Variants in NALCN observed in about 807,000 individuals in gnomAD.
NALCN encodes sodium leak channel NALCN.
Under a neutral mutation model 225.3 loss-of-function variants are expected in NALCN, and 111 were observed. That is an observed-to-expected ratio of 0.49 (90% CI 0.42 to 0.58). The LOEUF (loss-of-function observed/expected upper bound fraction) is 0.58, where lower values mean the gene tolerates loss of function less well. Ranked by LOEUF, NALCN falls within the 20% of genes least tolerant of loss-of-function variation. NALCN has a pLI of 0.00. For synonymous variants in NALCN, 764 were observed against 769.0 expected, an observed-to-expected ratio of 0.99 and a Z score of 0.11; for missense variants, 1,378 against 2,202.4, an observed-to-expected ratio of 0.63 and a Z score of 7.49.
At chr13:101,313,070 A>G (rs1189352532) in intron 7 of NALCN, among the ~76,000 whole-genome samples, 1 of 152,232 alleles carries the variant, frequency 6.6e-6, no homozygotes, top group Non-Finnish European at 1.5e-5. Context: ...TGACAAAAAC[A>G]AGAAATGGGG....
intron 19 of NALCN, among the ~76,000 whole-genome samples, chr13:101,110,910 A>T (rs1443992015): frequency 6.6e-6 from 1 of 152,222 alleles, no homozygotes; most frequent in Non-Finnish European, 1.5e-5. Flanking sequence ...GAATTTGGCC[A>T]TCTCTAAGGA....
At chr13:101,228,261 A>G (rs1239283676) in intron 13 of NALCN, among the ~76,000 whole-genome samples, 1 of 152,214 alleles carries the variant, frequency 6.6e-6, no homozygotes. Flanking sequence ...AAAAATCCCT[A>G]AAATAAAGCT....
At chr13:101,235,897 A>C (rs1230075010) in intron 12 of NALCN, among the ~76,000 whole-genome samples, 3 of 152,228 alleles carry the variant, frequency 2.0e-5, no homozygotes, top group Non-Finnish European at 4.4e-5. Flanking sequence ...TATTGTTCTG[A>C]AAATAATATT....
chr13:101,134,182 AAAC>A (rs2036653110), intron 17 of NALCN, among the ~76,000 whole-genome samples: 1 of 146,434 alleles, frequency 6.8e-6, no homozygotes, highest in African/African-American at 2.4e-5. Context: ...AAAAACAAAC[AAAC>A]AAAAAAAAAG....
chr13:101,268,535 C>A (rs1166971304), intron 10 of NALCN, among the ~76,000 whole-genome samples: 2 of 152,040 alleles, frequency 1.3e-5, no homozygotes, highest in Non-Finnish European at 2.9e-5. Context: ...TAGTCTGGGT[C>A]ATATATATTA....
intron 11 of NALCN, among the ~76,000 whole-genome samples, chr13:101,247,537 G>T (rs1429212881): frequency 6.6e-6 from 1 of 151,790 alleles, no homozygotes; most frequent in Non-Finnish European, 1.5e-5. Flanking sequence ...TAATGAGAAA[G>T]AAAACAAAAT....
At chr13:101,376,566 A>G in intron 6 of NALCN, 134 bp downstream of exon 6, 1 of 766,768 alleles carries the variant, frequency 1.3e-6, no homozygotes, top group Non-Finnish European at 2.0e-6. Context: ...AACAATACCG[A>G]GGAAGCAGAG....
intron 18 of NALCN, among the ~76,000 whole-genome samples, chr13:101,113,528 A>AC (rs2035552765): frequency 6.6e-6 from 1 of 152,256 alleles, no homozygotes; most frequent in Non-Finnish European, 1.5e-5. Flanking sequence ...CTAAGAGGTT[A>AC]CATATACTCT....
intron 10 of NALCN, 95 bp from the exon 11 acceptor site, chr13:101,258,669 G>A: frequency 1.3e-6 from 2 of 1,530,218 alleles, no homozygotes; most frequent in South Asian, 1.2e-5. Context: ...CCTTTGTGAT[G>A]TGCTGCTATG....
intron 42 of NALCN, 139 bp from the exon 43 acceptor site, chr13:101,058,195 G>C: frequency 1.5e-6 from 1 of 670,016 alleles, no homozygotes; most frequent in Non-Finnish European, 2.5e-6. Flanking sequence ...ATGGGGAAAA[G>C]TGAAAATGGG....
rs2033751528 is a variant in NALCN, at chr13:101,083,205, A to G, written c.3584-7T>C. On this transcript the variant is annotated splice_polypyrimidine_tract_variant and splice_region_variant and intron_variant, in intron 31 of 43. Transcript: ENST00000251127. Reference sequence around the variant, plus strand: ...GCTCTAAAACCATCATTATCTAGAAAAGAAAGGTTTGGGCAAGGGCATTTT... The same window carrying G: ...GCTCTAAAACCATCATTATCTAGAAGAGAAAGGTTTGGGCAAGGGCATTTT... The G allele has an allele frequency of 6.2e-7, 1 of 1,612,688 alleles. No individual in the cohort carries two copies. Among genetic ancestry groups the G allele is most frequent in the Admixed American group, 1.7e-5 (1 of 59,938 alleles).
At chr13:101,064,770 C>G (rs78401784) in intron 40 of NALCN, among the ~76,000 whole-genome samples, 12,782 of 152,116 alleles carry the variant, frequency 0.084, 763 homozygotes, top group African/African-American at 0.16. Flanking sequence ...TCCAGGACTT[C>G]GAGACCATAC....
At chr13:101,081,804 C>CA (rs1187216990) in intron 33 of NALCN, among the ~76,000 whole-genome samples, 158 bp from the exon 34 acceptor site, 1 of 152,136 alleles carries the variant, frequency 6.6e-6, no homozygotes, top group Non-Finnish European at 1.5e-5. Context: ...GAAAATGAGA[C>CA]AAACACTTTA....
chr13:101,271,310 T>C (rs1234237710), intron 10 of NALCN, among the ~76,000 whole-genome samples: 1 of 151,758 alleles, frequency 6.6e-6, no homozygotes, highest in African/African-American at 2.4e-5. Flanking sequence ...ATTAGATACA[T>C]ATTGAATATA....
intron 15 of NALCN, among the ~76,000 whole-genome samples, chr13:101,152,809 T>A (rs1488872707): frequency 1.3e-5 from 2 of 152,176 alleles, no homozygotes; most frequent in African/African-American, 4.8e-5. Context: ...GACACAGTTG[T>A]TTCCATCAGA....
intron 7 of NALCN, among the ~76,000 whole-genome samples, chr13:101,310,320 G>A (rs899632269): frequency 1.3e-5 from 2 of 152,050 alleles, no homozygotes; most frequent in Admixed American, 6.6e-5. Flanking sequence ...CTTTCCAATC[G>A]TATTCCCTTT....
chr13:101,292,135 T>C lies in NALCN; in HGVS notation c.943-41A>G. On this transcript the variant is annotated intron_variant, in intron 8 of 43. Transcript: ENST00000251127. This position sits in a 1 kb window ranked among gnomAD's most constrained non-coding sequence, Gnocchi z 4.3. Reference sequence around the variant, plus strand: ...AACCACATTTACCAAAGTCTAAGAATGACAAAGCAGAGGGCAACCAAAACC... The same window carrying C: ...AACCACATTTACCAAAGTCTAAGAACGACAAAGCAGAGGGCAACCAAAACC... 2 of 1,612,726 alleles carry C rather than the reference T, an allele frequency of 1.2e-6. No homozygotes were observed. Among genetic ancestry groups the C allele is most frequent in the Non-Finnish European group, 1.7e-6 (2 of 1,179,202 alleles).
intron 18 of NALCN, among the ~76,000 whole-genome samples, chr13:101,114,208 G>T (rs925390212): frequency 1.4e-4 from 21 of 152,160 alleles, no homozygotes; most frequent in African/African-American, 4.6e-4. Context: ...CAGGTGATGT[G>T]CTTTCTCTAA....
At chr13:101,281,966 C>T (rs1251779162) in intron 10 of NALCN, among the ~76,000 whole-genome samples, 1 of 152,140 alleles carries the variant, frequency 6.6e-6, no homozygotes, top group Non-Finnish European at 1.5e-5. Flanking sequence ...GATATCACCT[C>T]ATATCTGTTA....
Sources: gnomAD v4.1 joint callset for allele counts (sites outside exome capture counted in the v4.1 genomes callset) on GRCh38, gnomAD v4.1.1 for gene constraint, Gnocchi (gnomAD v3.1) non-coding constraint, MANE v1.5 for transcripts, NCBI Gene and HGNC (gene_info 2026-07-23, HGNC 2026-07-21) for gene names.